The following SNTG2 variants were observed in gnomAD, a reference collection of about 807,000 sequenced individuals.
The protein encoded by SNTG2 is gamma-2-syntrophin.
A neutral mutation model predicts 70.9 loss-of-function variants in SNTG2; 74 were observed. That is an observed-to-expected ratio of 1.04 (90% CI 0.86 to 1.27). The LOEUF (loss-of-function observed/expected upper bound fraction) is 1.27. Among genes scored for constraint, SNTG2 ranks in the 50% most tolerant of loss-of-function variants. The probability of loss-of-function intolerance (pLI) is 0.00; values close to 1 mark genes in which losing one functional copy is unlikely to be tolerated. For synonymous variants in SNTG2, 278 were observed against 273.8 expected (o/e 1.02, Z -0.15); for missense variants, 717 against 690.7 (o/e 1.04, Z -0.43).
intron 1 of SNTG2, among the ~76,000 whole-genome samples, chr2:962,087 CTTAT>C (rs2147946594): frequency 6.6e-6 from 1 of 152,268 alleles, no homozygotes; most frequent in East Asian, 1.9e-4. Flanking sequence ...AGATACATTT[CTTAT>C]TTTAGTTTTA....
intron 4 of SNTG2, among the ~76,000 whole-genome samples, chr2:1,111,847 CTAAG>C (rs1330492208): frequency 7.2e-5 from 11 of 152,242 alleles, no homozygotes; most frequent in South Asian, 6.2e-4. Flanking sequence ...ATCGTGTGTA[CTAAG>C]TGAGGTTTAA....
chr2:1,162,722 T>G (rs1003204139), intron 6 of SNTG2, among the ~76,000 whole-genome samples: 1 of 152,108 alleles, frequency 6.6e-6, no homozygotes, highest in African/African-American at 2.4e-5. Context: ...GTTCTACTTC[T>G]TTTCACCAAA....
At chr2:1,146,157 C>A (rs1023961779) in intron 6 of SNTG2, among the ~76,000 whole-genome samples, 1 of 152,118 alleles carries the variant, frequency 6.6e-6, no homozygotes, top group African/African-American at 2.4e-5. Context: ...AAGGATGTCT[C>A]TTCTCATCAG....
chr2:1,302,054 C>T (rs1291559800), intron 14 of SNTG2, among the ~76,000 whole-genome samples: 1 of 150,682 alleles, frequency 6.6e-6, no homozygotes, highest in South Asian at 2.1e-4. Flanking sequence ...CTCCGCCTCC[C>T]AGGTTGAAGA....
chr2:1,346,614 A>G (rs1348040432), intron 16 of SNTG2: 1 of 152,276 alleles, frequency 6.6e-6, no homozygotes, highest in East Asian at 1.9e-4. Flanking sequence ...ATGCTGCCAA[A>G]TACTTACAGG....
At chr2:1,222,353 A>G (rs1336351682) in intron 9 of SNTG2, among the ~76,000 whole-genome samples, 2 of 152,254 alleles carry the variant, frequency 1.3e-5, no homozygotes, top group Admixed American at 6.5e-5. Flanking sequence ...AATTCGTAAC[A>G]AGTTGTCTGC....
intron 10 of SNTG2, among the ~76,000 whole-genome samples, chr2:1,239,190 T>C (rs1427729677): frequency 1.3e-5 from 2 of 152,182 alleles, no homozygotes; most frequent in African/African-American, 4.8e-5. Flanking sequence ...TCAGCCCTCA[T>C]AGGCAGGGCA....
At chr2:1,272,425 T>G (rs1396898554) in intron 14 of SNTG2, among the ~76,000 whole-genome samples, 3 of 128,270 alleles carry the variant, frequency 2.3e-5, no homozygotes, top group Non-Finnish European at 4.7e-5. Context: ...GCTCCTGCTG[T>G]GAGGCCCAGT....
At chr2:1,127,589 C>A (rs922320471) in intron 4 of SNTG2, among the ~76,000 whole-genome samples, 1 of 152,008 alleles carries the variant, frequency 6.6e-6, no homozygotes, top group Non-Finnish European at 1.5e-5. Flanking sequence ...TCTGTGAACA[C>A]GTTATGTCAT....
intron 15 of SNTG2, among the ~76,000 whole-genome samples, chr2:1,309,187 C>G (rs1680857423): frequency 6.6e-6 from 1 of 152,186 alleles, no homozygotes; most frequent in African/African-American, 2.4e-5. Flanking sequence ...AAAATTTCAA[C>G]AAATCGAGTT....
chr2:1,011,469 A>G (rs2147997762), intron 1 of SNTG2, among the ~76,000 whole-genome samples: 1 of 152,356 alleles, frequency 6.6e-6, no homozygotes, highest in African/African-American at 2.4e-5. Context: ...AGTTTCAGAA[A>G]CAATCTTTGA....
At chr2:1,204,288 T>C (rs373940792) in intron 8 of SNTG2, among the ~76,000 whole-genome samples, 1 of 152,222 alleles carries the variant, frequency 6.6e-6, no homozygotes, top group Non-Finnish European at 1.5e-5. Flanking sequence ...CTGCACGTTA[T>C]TGTATGCCAT....
At chr2:1,247,487 G>A (rs1283609726) in intron 12 of SNTG2, 44 bp downstream of exon 12, 4 of 1,364,300 alleles carry the variant, frequency 2.9e-6, no homozygotes, top group Non-Finnish European at 4.2e-6. Flanking sequence ...CTGCTGGGAG[G>A]GCTATTCCTG....
At chr2:1,246,709 CAT>C (rs1331173675) in intron 11 of SNTG2, among the ~76,000 whole-genome samples, 3 of 141,892 alleles carry the variant, frequency 2.1e-5, no homozygotes, top group African/African-American at 8.0e-5. Flanking sequence ...TTTTAGATAA[CAT>C]GGATTTTTCT....
At chr2:1,299,274 A>C (rs1680349975) in intron 14 of SNTG2, among the ~76,000 whole-genome samples, 1 of 152,198 alleles carries the variant, frequency 6.6e-6, no homozygotes, top group Admixed American at 6.5e-5. Flanking sequence ...GCCCTAAGGA[A>C]TGTCCGCAAA....
rs147239399 is a variant in SNTG2, at chr2:1,036,182, T to G, written c.73-47336T>G. ...TATATTTGGTGTTATTCTTTCATTG[T>G]ACTTGTAGATTATATTTTCTTGGAG... is the stretch of plus-strand genomic sequence containing the variant. On this transcript the variant is annotated intron_variant, in intron 1 of 16. Transcript: ENST00000308624. Among the ~76,000 whole-genome samples, 151 of 152,328 alleles carry G rather than the reference T, an allele frequency of 9.9e-4. 1 individual carries two copies. The highest frequency in any genetic ancestry group is 6.8e-3 in the Middle Eastern group (2 of 294).
chr2:1,068,870 G>A (rs566182036), intron 1 of SNTG2, among the ~76,000 whole-genome samples: 19 of 152,320 alleles, frequency 1.2e-4, no homozygotes, highest in African/African-American at 4.6e-4. Context: ...ATCATTCAGA[G>A]AAATGTCACT....
chr2:1,221,865 GTCTCTC>G (rs1167213385), intron 9 of SNTG2, among the ~76,000 whole-genome samples: 1 of 15,016 alleles, frequency 6.7e-5, no homozygotes, highest in Non-Finnish European at 1.1e-4. Flanking sequence ...CTCTGTCTCT[GTCTCTC>G]TCTCTCTCTG....
chr2:1,244,001 G>C (rs140349456), intron 11 of SNTG2, among the ~76,000 whole-genome samples: 3 of 151,836 alleles, frequency 2.0e-5, no homozygotes, highest in African/African-American at 4.8e-5. Context: ...ACTCCAGCCC[G>C]GGCGACAGAG....
Sources: gnomAD v4.1 joint callset for allele counts (sites outside exome capture counted in the v4.1 genomes callset) on GRCh38, gnomAD v4.1.1 for gene constraint, MANE v1.5 for transcripts, NCBI Gene and HGNC (gene_info 2026-07-23, HGNC 2026-07-21) for gene names.